Variants in LNPEP observed in about 807,000 individuals in gnomAD.
The protein encoded by LNPEP is leucyl and cystinyl aminopeptidase, also known as leucyl-cystinyl aminopeptidase.
LNPEP carries 64 observed loss-of-function variants against 120.6 expected under a neutral mutation model. The ratio of observed to expected loss-of-function variants is 0.53; its 90% CI spans 0.43 to 0.65. LNPEP has a LOEUF of 0.65. LNPEP is among the 30% of genes least tolerant of loss of function. LNPEP has a pLI of 0.00. For missense variants in LNPEP, 1,057 were observed against 1,200.0 expected (o/e 0.88, Z 1.76); for synonymous variants, 435 against 425.4 (o/e 1.02, Z -0.28).
chr5:97,030,288 T>C lies in LNPEP; in HGVS notation c.*1755T>C, dbSNP rs1457557339. The C allele has an allele frequency of 6.6e-6, 1 of 152,184 alleles. No individual in the cohort carries two copies. Among genetic ancestry groups the C allele is most frequent in the African/African-American group, 2.4e-5 (1 of 41,452 alleles). The allele number at this position is 152,184 out of a possible 1,614,324, so 9.4% of individuals were successfully genotyped here. A position where few individuals can be genotyped will look rare whatever the true frequency, so the allele number is the denominator to read the frequency against. On this transcript the variant is annotated 3_prime_UTR_variant, in exon 18 of 18. Coordinates refer to ENST00000231368, the MANE Select transcript of LNPEP (RefSeq NM_005575.3). ...ACAGAATCATCTAAATATGTCTTAT[T>C]CAACTGAAGTGATTGTAAGTCTTTA...
chr5:97,006,714 C>T (rs1241271865), intron 11 of LNPEP, among the ~76,000 whole-genome samples, 199 bp downstream of exon 11: 1 of 152,112 alleles, frequency 6.6e-6, no homozygotes, highest in African/African-American at 2.4e-5. Flanking sequence ...AAATAAGGTA[C>T]AAAAATTTGC....
At chr5:96,955,851 CTT>C (rs1789455818) in intron 1 of LNPEP, among the ~76,000 whole-genome samples, 1 of 152,208 alleles carries the variant, frequency 6.6e-6, no homozygotes, top group African/African-American at 2.4e-5. Flanking sequence ...TAAGTTTTAA[CTT>C]TTTAAGAAAC....
At chr5:97,011,566 A>C (rs1486171056) in intron 11 of LNPEP, among the ~76,000 whole-genome samples, 1 of 152,148 alleles carries the variant, frequency 6.6e-6, no homozygotes, top group Non-Finnish European at 1.5e-5. Flanking sequence ...CATAGGATAT[A>C]GTGTTTGGTG....
At chr5:97,026,550 A>G in intron 15 of LNPEP, 67 bp from the exon 16 acceptor site, 2 of 1,293,816 alleles carry the variant, frequency 1.5e-6, no homozygotes, top group East Asian at 4.7e-5. Flanking sequence ...ACTAATTTTA[A>G]TTTAAGTTCA....
At chr5:96,977,502 G>A (rs191902893) in intron 1 of LNPEP, among the ~76,000 whole-genome samples, 2 of 152,200 alleles carry the variant, frequency 1.3e-5, no homozygotes, top group Admixed American at 6.5e-5. Flanking sequence ...TTATACCAGT[G>A]CCTCTCAAAC....
At chr5:96,956,725 G>T (rs544104122) in intron 1 of LNPEP, among the ~76,000 whole-genome samples, 1 of 152,126 alleles carries the variant, frequency 6.6e-6, no homozygotes, top group East Asian at 1.9e-4. Flanking sequence ...TAATTTTTCT[G>T]CCCCAATATT....
chr5:97,020,904 A>C (rs992815117), intron 13 of LNPEP, among the ~76,000 whole-genome samples: 2 of 152,176 alleles, frequency 1.3e-5, no homozygotes, highest in African/African-American at 4.8e-5. Flanking sequence ...TTTTTAAAAT[A>C]TCATGTGCCC....
chr5:97,030,368 GT>G lies in LNPEP; in HGVS notation c.*1840del, dbSNP rs1791443657. 1 of 152,078 alleles carries G rather than the reference GT, an allele frequency of 6.6e-6. No individual in the cohort carries two copies. 9.4% of individuals were successfully genotyped at this position (152,078 alleles called of 1,614,324 possible). On this transcript the variant is annotated 3_prime_UTR_variant, in exon 18 of 18. Coordinates refer to ENST00000231368, the MANE Select transcript of LNPEP (RefSeq NM_005575.3). The stretch of plus-strand genomic sequence containing the variant: ...TTTAGTTGATAGTGAAAGTTAATGT[GT>G]TTTTATATTTTTAGAGTGAGGGAAA...
Position 97,010,893 on chromosome 5 carries a change from A to G in LNPEP, c.2036-2755A>G, listed in dbSNP as rs1327338807. 4.1e-6 allele frequency: 4 copies of G among 985,442 alleles called. No homozygotes were observed. In the South Asian group the frequency reaches 1.9e-4, roughly 46 times the overall value. 61.0% of individuals were successfully genotyped at this position (985,442 alleles called of 1,614,324 possible). A position where few individuals can be genotyped will look rare whatever the true frequency, so the allele number is the denominator to read the frequency against. On this transcript the variant is annotated intron_variant, in intron 11 of 17. Transcript: ENST00000231368. ...TAAGGTCCACCATTCTGGATCATTC[A>G]GAAGAACTGAAAGAGACTAATGATG...
intron 13 of LNPEP, among the ~76,000 whole-genome samples, chr5:97,021,529 T>C (rs1387949180): frequency 6.6e-6 from 1 of 152,204 alleles, no homozygotes; most frequent in Admixed American, 6.5e-5. Flanking sequence ...ACATTAACTA[T>C]CAATAAAGAA....
intron 13 of LNPEP, 140 bp downstream of exon 13, chr5:97,015,235 T>C (rs1215898621): frequency 1.7e-5 from 9 of 537,264 alleles, no homozygotes; most frequent in Non-Finnish European, 2.8e-5. Flanking sequence ...AAATCTTTAC[T>C]TAAAATCAAG....
rs1489586232 is a variant in LNPEP at position 96,993,813 on chromosome 5, C to T, written c.1253-4C>T. On this transcript the variant is annotated splice_region_variant and splice_polypyrimidine_tract_variant and intron_variant, in intron 5 of 17. Coordinates refer to ENST00000231368, the MANE Select transcript of LNPEP (RefSeq NM_005575.3). Reference sequence around the variant, plus strand: ...GTTGATCACTTATTTCCTGTTATGTCCAGATTTGGTGGCTATTCCTGACTT... The same window carrying T: ...GTTGATCACTTATTTCCTGTTATGTTCAGATTTGGTGGCTATTCCTGACTT... The T allele has an allele frequency of 6.2e-7, 1 of 1,613,200 alleles. No individual in the cohort carries two copies. The highest frequency in any genetic ancestry group is 8.5e-7 in the Non-Finnish European group (1 of 1,179,486).
Position 97,029,618 on chromosome 5 carries a change from C to A in LNPEP, c.*1085C>A, listed in dbSNP as rs1342331260. The A allele has an allele frequency of 1.3e-5, 2 of 152,144 alleles. No homozygotes were observed. Among genetic ancestry groups the A allele is most frequent in the Admixed American group, 1.3e-4 (2 of 15,278 alleles). The allele number at this position is 152,144 out of a possible 1,614,324, so 9.4% of individuals were successfully genotyped here. A position where few individuals can be genotyped will look rare whatever the true frequency, so the allele number is the denominator to read the frequency against. On this transcript the variant is annotated 3_prime_UTR_variant, in exon 18 of 18. Transcript: ENST00000231368. ...CAATTATTTGAAGTTCACCATAGTACCTTAAAGGAACAAAGAGAATGTGGG... is the reference window on the plus strand; with the variant it reads ...CAATTATTTGAAGTTCACCATAGTAACTTAAAGGAACAAAGAGAATGTGGG...
intron 4 of LNPEP, among the ~76,000 whole-genome samples, chr5:96,988,674 A>G (rs1255002530): frequency 2.0e-5 from 3 of 151,920 alleles, no homozygotes; most frequent in Admixed American, 2.0e-4. Flanking sequence ...ACATGGTGCA[A>G]TCATAGCTCA....
intron 1 of LNPEP, among the ~76,000 whole-genome samples, chr5:96,959,616 A>G (rs1427607604): frequency 1.3e-5 from 2 of 152,110 alleles, no homozygotes; most frequent in Non-Finnish European, 2.9e-5. Flanking sequence ...TTAGATGGTG[A>G]TTTTTAAAAC....
At chr5:96,955,563 C>G (rs1296271981) in intron 1 of LNPEP, among the ~76,000 whole-genome samples, 4 of 152,066 alleles carry the variant, frequency 2.6e-5, no homozygotes, top group Non-Finnish European at 5.9e-5. Context: ...TGTAGTGAGC[C>G]GAGATTGTGC....
At chr5:96,977,558 A>G (rs1030482589) in intron 1 of LNPEP, among the ~76,000 whole-genome samples, 1 of 152,140 alleles carries the variant, frequency 6.6e-6, no homozygotes, top group African/African-American at 2.4e-5. Flanking sequence ...TTCGTATTCT[A>G]GGTGGAGACT....
chr5:96,962,484 A>G (rs1223827206), intron 1 of LNPEP, among the ~76,000 whole-genome samples: 1 of 152,216 alleles, frequency 6.6e-6, no homozygotes, highest in East Asian at 1.9e-4. Flanking sequence ...ATATCATTTA[A>G]TTCGTATAAC....
chr5:96,992,997 C>T lies in LNPEP; in HGVS notation c.1132-18C>T. ...TAATTGTACCTGTCCTTGCATCATA[C>T]ATAATGTTTTCCTTTAGGTTTCTAT... On this transcript the variant is annotated intron_variant, in intron 4 of 17. Coordinates refer to ENST00000231368, the MANE Select transcript of LNPEP (RefSeq NM_005575.3). 1.9e-6 allele frequency: 3 copies of T among 1,556,022 alleles called. No individual in the cohort carries two copies. Among genetic ancestry groups the T allele is most frequent in the African/African-American group, 2.8e-5 (2 of 72,562 alleles).
Sources: gnomAD v4.1 joint callset for allele counts (sites outside exome capture counted in the v4.1 genomes callset) on GRCh38, gnomAD v4.1.1 for gene constraint, MANE v1.5 for transcripts, NCBI Gene and HGNC (gene_info 2026-07-23, HGNC 2026-07-21) for gene names.